The following PAH variants were observed in gnomAD, a reference collection of about 807,000 sequenced individuals.
PAH encodes phenylalanine-4-hydroxylase.
PAH carries 64 observed loss-of-function variants against 62.0 expected under a neutral mutation model. The ratio of observed to expected loss-of-function variants is 1.03; its 90% CI spans 0.84 to 1.27. The LOEUF is 1.27. PAH is among the 50% of genes most tolerant of loss of function. The probability of loss-of-function intolerance (pLI) is 0.00; values close to 1 mark genes in which losing one functional copy is unlikely to be tolerated. For synonymous variants in PAH, 195 were observed against 196.2 expected (o/e 0.99, Z 0.05); for missense variants, 579 against 542.8 (o/e 1.07, Z -0.66).
chr12:102,842,425 T>G (rs534059430), intron 11 of PAH, among the ~76,000 whole-genome samples: 1 of 152,158 alleles, frequency 6.6e-6, no homozygotes, highest in East Asian at 1.9e-4. Flanking sequence ...TATCTAAAGA[T>G]AGTAGACATA....
intron 9 of PAH, among the ~76,000 whole-genome samples, chr12:102,844,711 G>T (rs574209746): frequency 6.6e-6 from 1 of 152,230 alleles, no homozygotes; most frequent in East Asian, 1.9e-4. Context: ...CTTGGAACCA[G>T]GACACCCTGT....
chr12:102,860,344 C>G lies in PAH; in HGVS notation c.510-5012G>C, dbSNP rs150573821. On this transcript the variant is annotated intron_variant, in intron 5 of 12. Transcript: ENST00000553106. ...TCAAAGAAATAAAAGAGAACACAGA[C>G]AAATGGAAGAACATTCCATGCTCAT... Among the ~76,000 whole-genome samples, 558 of 152,276 alleles carry G rather than the reference C, an allele frequency of 3.7e-3. 4 individuals are homozygous for G. The highest frequency in any genetic ancestry group is 0.013 in the African/African-American group (533 of 41,556).
chr12:102,852,920 G>A lies in PAH; in HGVS notation c.737C>T (p.Ala246Val), dbSNP rs199475610. ...GAAATCCCGAGAGGAAAGCAGGCCAGCCACAGGTCGGAGGCGGAAACCAGT... is the reference window on the plus strand; with the variant it reads ...GAAATCCCGAGAGGAAAGCAGGCCAACCACAGGTCGGAGGCGGAAACCAGT... ...TCTGFRLRPV[A>V]GLLSSRDFLG... Residue 246 changes from alanine (A) to valine (V), a missense_variant, in exon 7 of 13, where the codon GCT (alanine) becomes GTT (valine). Physicochemically the swap from Ala to Val is moderately conservative, Grantham distance 64. Coordinates refer to ENST00000553106, the MANE Select transcript of PAH (RefSeq NM_000277.3). 1.2e-6 allele frequency: 2 copies of A among 1,614,008 alleles called. No homozygotes were observed. Among genetic ancestry groups the A allele is most frequent in the Non-Finnish European group, 1.7e-6 (2 of 1,180,010 alleles).
chr12:102,850,596 A>T (rs1197428700), intron 8 of PAH, among the ~76,000 whole-genome samples: 1 of 152,106 alleles, frequency 6.6e-6, no homozygotes, highest in African/African-American at 2.4e-5. Context: ...CTTTTGACTG[A>T]TCCACTTTTA....
chr12:102,854,633 G>T, intron 6 of PAH: 1 of 211,404 alleles, frequency 4.7e-6, no homozygotes, highest in Non-Finnish European at 9.5e-6. Flanking sequence ...TTGATACAGT[G>T]TCCATTTGAC....
intron 10 of PAH, 115 bp from the exon 11 acceptor site, chr12:102,843,894 TCA>T: frequency 8.5e-7 from 1 of 1,180,354 alleles, no homozygotes; most frequent in Non-Finnish European, 1.2e-6. Flanking sequence ...TCCTTCTACA[TCA>T]CAGCCCAAAT....
chr12:102,909,826 G>T (rs760954162), intron 2 of PAH, among the ~76,000 whole-genome samples: 1 of 152,094 alleles, frequency 6.6e-6, no homozygotes, highest in Non-Finnish European at 1.5e-5. Flanking sequence ...GGGCATGGTG[G>T]CATGTGCCTG....
upstream of PAH, among the ~76,000 whole-genome samples, chr12:102,952,675 C>T (rs1879801468): frequency 6.6e-6 from 1 of 152,164 alleles, no homozygotes; most frequent in Admixed American, 6.5e-5. Flanking sequence ...AGGGTGGCTG[C>T]AAATTACCTC....
intron 1 of PAH, among the ~76,000 whole-genome samples, chr12:102,924,241 CA>C (rs1266242421): frequency 6.6e-6 from 1 of 152,160 alleles, no homozygotes; most frequent in Non-Finnish European, 1.5e-5. Flanking sequence ...TCTAATGCTG[CA>C]AAATGGGATT....
intron 1 of PAH, among the ~76,000 whole-genome samples, chr12:102,932,003 C>T (rs7969789): frequency 0.43 from 65,696 of 151,966 alleles, 16,554 homozygotes; most frequent in African/African-American, 0.69. Flanking sequence ...AAATGAATGG[C>T]GGTGTGTGTG....
intron 1 of PAH, 83 bp from the exon 2 acceptor site, chr12:102,912,981 C>A: frequency 2.3e-6 from 2 of 872,064 alleles, no homozygotes; most frequent in East Asian, 2.5e-5. Context: ...ACAAAGCAAG[C>A]ATGAACTCTT....
Position 102,956,042 on chromosome 12 carries a change from C to G in PAH, c.-96+2153G>C, listed in dbSNP as rs115431752. ...ATTGTTCCAGAAACACTCAGCCAGC[C>G]CACATACCAAGAGCAGCTCCCTGGG... On this transcript the variant is annotated intron_variant, in intron 1 of 4. Transcript: ENST00000551337. 9.7e-3 allele frequency among the ~76,000 whole-genome samples: 1,479 copies of G among 152,262 alleles called. 33 individuals are homozygous for G. The highest frequency in any genetic ancestry group is 0.032 in the African/African-American group (1,346 of 41,558).
rs533142597 is a variant in PAH, at chr12:102,893,966, A to T, written c.352+769T>A. On this transcript the variant is annotated intron_variant, in intron 3 of 12. Transcript: ENST00000553106. ...GATTGTATGAGAAGAAGAGACAGAT[A>T]AGAAGATGGAAAATGACAATGAAAG... 5.9e-5 allele frequency among the ~76,000 whole-genome samples: 9 copies of T among 152,360 alleles called. No homozygotes were observed. The South Asian group carries it at 1.9e-3, about 32-fold the overall frequency.
At chr12:102,861,544 C>A (rs1875714780) in intron 5 of PAH, among the ~76,000 whole-genome samples, 1 of 152,162 alleles carries the variant, frequency 6.6e-6, no homozygotes, top group African/African-American at 2.4e-5. Context: ...ATGTTTATTG[C>A]AGCACTATTC....
At chr12:102,880,296 G>A (rs1280337090) in intron 3 of PAH, among the ~76,000 whole-genome samples, 2 of 152,258 alleles carry the variant, frequency 1.3e-5, no homozygotes, top group Middle Eastern at 3.4e-3. Flanking sequence ...TCCCACCCAG[G>A]TTTGCATGGG....
At chr12:102,839,445 C>T (rs1000451279) in intron 12 of PAH, among the ~76,000 whole-genome samples, 14 of 152,198 alleles carry the variant, frequency 9.2e-5, no homozygotes, top group African/African-American at 3.1e-4. Flanking sequence ...GGTCACTTCC[C>T]AGGGAAGGAC....
Position 102,912,831 on chromosome 12 carries a change from T to C in PAH, c.128A>G (p.Glu43Gly), listed in dbSNP as rs1878255644. Residue 43 changes from glutamate to glycine, a missense_variant, in exon 2 of 13, where the codon GAA (glutamate) becomes GGA (glycine). By Grantham distance (98) the Glu-to-Gly change is moderately conservative. Coordinates refer to ENST00000553106, the MANE Select transcript of PAH (RefSeq NM_000277.3). ...GAISLIFSLK[E>G]EVGALAKVLR... is the part of the protein sequence containing the mutation. The stretch of plus-strand genomic sequence containing the variant: ...TACTTTGGCCAATGCACCAACTTCT[T>C]CTTTGAGTGAGAAGATCAGTGATAT... 1 of 1,613,710 alleles carries C rather than the reference T, an allele frequency of 6.2e-7. No homozygotes were observed. The highest frequency in any genetic ancestry group is 1.3e-5 in the African/African-American group (1 of 74,926).
intron 2 of PAH, among the ~76,000 whole-genome samples, chr12:102,905,079 G>T (rs1469785113): frequency 6.6e-6 from 1 of 152,154 alleles, no homozygotes; most frequent in East Asian, 1.9e-4. Flanking sequence ...AAGGGGTAAA[G>T]GAATAAAAAT....
At chr12:102,912,470 C>G (rs948961216) in intron 2 of PAH, among the ~76,000 whole-genome samples, 2 of 152,054 alleles carry the variant, frequency 1.3e-5, no homozygotes, top group East Asian at 3.9e-4. Flanking sequence ...AATGTAATCA[C>G]GTGTCACATA....
Sources: gnomAD v4.1 joint callset for allele counts (sites outside exome capture counted in the v4.1 genomes callset) on GRCh38, gnomAD v4.1.1 for gene constraint, MANE v1.5 for transcripts, NCBI Gene and HGNC (gene_info 2026-07-23, HGNC 2026-07-21) for gene names.